Variants in HAUS6 observed in about 807,000 individuals in gnomAD.
HAUS6 encodes HAUS augmin like complex subunit 6.
A neutral mutation model predicts 106.8 loss-of-function variants in HAUS6; 80 were observed. The observed-to-expected ratio is 0.75, with a 90% CI of 0.63 to 0.90. The LOEUF (loss-of-function observed/expected upper bound fraction) is 0.90. Ranked by LOEUF, HAUS6 falls within the 40% of genes least tolerant of loss-of-function variation. The pLI, the probability that HAUS6 is intolerant of heterozygous loss-of-function variation, is 0.00. For missense variants in HAUS6, 1,155 were observed against 1,118.1 expected, an observed-to-expected ratio of 1.03 and a Z score of -0.47; for synonymous variants, 356 against 379.1, an observed-to-expected ratio of 0.94 and a Z score of 0.71.
At chr9:19,094,287 T>C (rs1216708496) in intron 3 of HAUS6, 30 bp downstream of exon 3, 3 of 1,311,340 alleles carry the variant, frequency 2.3e-6, no homozygotes, top group Non-Finnish European at 3.3e-6. Flanking sequence ...CTTCTTAAAG[T>C]CTGTATCTTC....
rs959016377 is a variant in HAUS6, at chr9:19,064,629, A to C, written c.1377-1049T>G. On this transcript the variant is annotated intron_variant, in intron 12 of 16. Coordinates refer to ENST00000380502, the MANE Select transcript of HAUS6 (RefSeq NM_017645.5). ...TCAAAGACTGCTTTCAACAGCATGC[A>C]TGTTGGTACTTTCCTTTCTTCTTAT... Among the ~76,000 whole-genome samples the C allele has an allele frequency of 3.2e-4, 48 of 152,350 alleles. 1 individual carries two copies. Among genetic ancestry groups the C allele is most frequent in the African/African-American group, 9.1e-4 (38 of 41,580 alleles).
At chr9:19,092,916 CAAAAA>C (rs71494998) in intron 4 of HAUS6, among the ~76,000 whole-genome samples, 9 of 76,238 alleles carry the variant, frequency 1.2e-4, no homozygotes, top group Non-Finnish European at 2.3e-4. Flanking sequence ...AACTGTGTCT[CAAAAA>C]AAAAAAAAAA....
At position 19,089,474 on chromosome 9, in the gene HAUS6, G is replaced by A; in HGVS notation, c.522C>T (p.Ser174=). 1 of 1,611,792 alleles carries A rather than the reference G, an allele frequency of 6.2e-7. No individual in the cohort carries two copies. The highest frequency in any genetic ancestry group is 8.5e-7 in the Non-Finnish European group (1 of 1,177,982). ...KCIARCHFAR[S]RFLQILQRQD... Reference sequence around the variant, plus strand: ...GTCTTTGCAAAATTTGTAAAAATCTGCTACGTGCGAAATGGCATCTGGCAA... The same window carrying A: ...GTCTTTGCAAAATTTGTAAAAATCTACTACGTGCGAAATGGCATCTGGCAA... The change falls in exon 5 of 17, where the codon AGC becomes AGT. Residue 174 remains serine (S), a synonymous_variant. Transcript: ENST00000380502.
In HAUS6 at chr9:19,080,639, G is replaced by C. The variant is rs1203724531; in HGVS notation, c.904C>G (p.Leu302Val). The C allele has an allele frequency of 1.9e-6, 3 of 1,608,950 alleles. No individual in the cohort carries two copies. Among genetic ancestry groups the C allele is most frequent in the East Asian group, 2.2e-5 (1 of 44,822 alleles). The change falls in exon 9 of 17, where the codon CTG becomes GTG. Residue 302 changes from leucine to valine, a missense_variant. By Grantham distance (32) the Leu-to-Val change is conservative. This residue lies in a region of HAUS6 where 761 missense variants were observed against 690.0 expected (regional missense o/e 1.10). Transcript: ENST00000380502. ...AACTGAATAACTGTTAAGAGGTTCAGTTTTCCAGCCTCATAAACATTTCCT... is the reference window on the plus strand; with the variant it reads ...AACTGAATAACTGTTAAGAGGTTCACTTTTCCAGCCTCATAAACATTTCCT... Reference protein sequence around the residue: ...HIGNVYEAGKLNLLTVIQLLN... With the variant: ...HIGNVYEAGKVNLLTVIQLLN...
chr9:19,063,561 G>C lies in HAUS6; in HGVS notation c.1396C>G (p.Gln466Glu). The C allele has an allele frequency of 6.2e-7, 1 of 1,607,034 alleles. No individual in the cohort carries two copies. Among genetic ancestry groups the C allele is most frequent in the Non-Finnish European group, 8.5e-7 (1 of 1,173,538 alleles). Residue 466 changes from glutamine (Q) to glutamate (E), a missense_variant, in exon 13 of 17, where the codon CAG becomes GAG. By Grantham distance (29) the Gln-to-Glu change is conservative. Coordinates refer to ENST00000380502, the MANE Select transcript of HAUS6 (RefSeq NM_017645.5). ...LANSPASFLS[Q>E]SVSSSDRNSV... ...TTTCTATCTGATGATGAAACTGACT[G>C]CGACAAGAAAGAGGCAGGGCTAAAA...
At chr9:19,057,738 CT>C (rs994441593) in intron 16 of HAUS6, 33 of 423,432 alleles carry the variant, frequency 7.8e-5, no homozygotes, top group South Asian at 6.3e-4. Context: ...ATTGGGGGGG[CT>C]TTTTTTTCCC....
chr9:19,063,605 C>A (rs2131103975), intron 12 of HAUS6, 25 bp from the exon 13 acceptor site: 6 of 1,517,578 alleles, frequency 4.0e-6, no homozygotes, highest in East Asian at 2.3e-5. Context: ...GACAACAAAT[C>A]CAAGTTATAA....
At chr9:19,069,896 G>T (rs1296174697) in intron 12 of HAUS6, among the ~76,000 whole-genome samples, 1 of 152,144 alleles carries the variant, frequency 6.6e-6, no homozygotes, top group Admixed American at 6.5e-5. Context: ...AAGAGTTAAA[G>T]ACTAGCCTCT....
At chr9:19,074,105 G>A (rs926870857) in intron 11 of HAUS6, among the ~76,000 whole-genome samples, 2 of 152,088 alleles carry the variant, frequency 1.3e-5, no homozygotes, top group Non-Finnish European at 2.9e-5. Context: ...AAATTAGCCA[G>A]GCATGGCAGA....
Position 19,060,232 on chromosome 9 carries a change from GA to G in HAUS6, c.1630-10del, listed in dbSNP as rs778573269. The G allele has an allele frequency of 1.1e-5, 16 of 1,511,658 alleles. No homozygotes were observed. Among genetic ancestry groups the G allele is most frequent in the Non-Finnish European group, 1.4e-5 (16 of 1,133,430 alleles). The allele number at this position is 1,511,658 out of a possible 1,614,324, so 93.6% of individuals were successfully genotyped here. A position where few individuals can be genotyped will look rare whatever the true frequency, so the allele number is the denominator to read the frequency against. On this transcript the variant is annotated splice_polypyrimidine_tract_variant and intron_variant, in intron 14 of 16. Transcript: ENST00000380502. ...AAAACTGCTCTGGCAACCTAAAACA[GA>G]AAAGAAAAAGTAAAGCAAAGATTAC...
intron 12 of HAUS6, among the ~76,000 whole-genome samples, chr9:19,067,705 T>C (rs1836791686): frequency 6.6e-6 from 1 of 152,164 alleles, no homozygotes; most frequent in East Asian, 1.9e-4. Flanking sequence ...TTTTTCTTTT[T>C]CAGATAGAGT....
At chr9:19,079,828 G>A (rs113023861) in intron 9 of HAUS6, among the ~76,000 whole-genome samples, 17,805 of 149,862 alleles carry the variant, frequency 0.12, 1,085 homozygotes, top group Admixed American at 0.14. Flanking sequence ...GCATGAACCC[G>A]GGAGATCACA....
intron 3 of HAUS6, among the ~76,000 whole-genome samples, chr9:19,093,934 T>C (rs921372727): frequency 6.6e-6 from 1 of 152,152 alleles, no homozygotes; most frequent in Non-Finnish European, 1.5e-5. Flanking sequence ...AACCACAAGT[T>C]ACATGTTTTG....
At chr9:19,057,398 G>T (rs893719183) in intron 16 of HAUS6, 3 of 152,346 alleles carry the variant, frequency 2.0e-5, no homozygotes, top group Admixed American at 1.3e-4. Flanking sequence ...GGCAAAGAAG[G>T]ATCCTCTTCT....
At chr9:19,067,735 C>G (rs1836792680) in intron 12 of HAUS6, among the ~76,000 whole-genome samples, 1 of 152,156 alleles carries the variant, frequency 6.6e-6, no homozygotes, top group African/African-American at 2.4e-5. Context: ...GTTGTCCAGG[C>G]TGGAGTGCAA....
intron 4 of HAUS6, among the ~76,000 whole-genome samples, chr9:19,091,756 G>C (rs1307607200): frequency 6.6e-6 from 1 of 152,126 alleles, no homozygotes; most frequent in African/African-American, 2.4e-5. Context: ...CTGCCTCCCA[G>C]GTTCAAGCGA....
chr9:19,092,826 G>A (rs759493864), intron 4 of HAUS6, among the ~76,000 whole-genome samples: 5 of 150,498 alleles, frequency 3.3e-5, no homozygotes, highest in Non-Finnish European at 7.4e-5. Flanking sequence ...TCAGGAGGCT[G>A]AGGCAGGAAA....
intron 9 of HAUS6, among the ~76,000 whole-genome samples, chr9:19,080,063 A>G (rs990973467): frequency 2.7e-5 from 4 of 149,982 alleles, no homozygotes; most frequent in Non-Finnish European, 3.0e-5. Flanking sequence ...AATCGCAGCT[A>G]CTCAAGAGGC....
Position 19,072,825 on chromosome 9 carries a change from T to G in HAUS6, c.1295-2525A>C, listed in dbSNP as rs761801006. 1.7e-4 allele frequency among the ~76,000 whole-genome samples: 26 copies of G among 152,234 alleles called. No homozygotes were observed. The Middle Eastern group carries it at 0.014, about 80-fold the overall frequency. ...GTGTTGCTCAATTTAAACATAGTAA[T>G]TGTTAAAAACAATTTCTATCAATGT... On this transcript the variant is annotated intron_variant, in intron 11 of 16. Coordinates refer to ENST00000380502, the MANE Select transcript of HAUS6 (RefSeq NM_017645.5).
Sources: allele counts gnomAD v4.1 joint callset (sites outside exome capture counted in the v4.1 genomes callset), GRCh38; gene constraint gnomAD v4.1.1; regional missense constraint gnomAD v4.1.1; transcripts MANE v1.5; gene names NCBI Gene and HGNC (gene_info 2026-07-23, HGNC 2026-07-21).